LHFPL6: variants seen among roughly 807,000 people sequenced by gnomAD.
LHFPL6 encodes LHFPL tetraspan subfamily member 6.
In LHFPL6, 9 loss-of-function variants were observed where a neutral mutation model predicts 20.6. That is an observed-to-expected ratio of 0.44 (90% CI 0.26 to 0.76). The LOEUF (loss-of-function observed/expected upper bound fraction) is 0.76. Among genes scored for constraint, LHFPL6 ranks in the 30% least tolerant of loss-of-function variants. The probability of loss-of-function intolerance (pLI) is 0.20; values close to 1 mark genes in which losing one functional copy is unlikely to be tolerated. For synonymous variants in LHFPL6, 105 were observed against 98.7 expected (o/e 1.06, Z -0.38); for missense variants, 218 against 253.5 (o/e 0.86, Z 0.95).
intron 2 of LHFPL6, among the ~76,000 whole-genome samples, chr13:39,437,087 C>T (rs1302769727): frequency 1.3e-5 from 2 of 152,128 alleles, no homozygotes. Flanking sequence ...GGTAAGTGCT[C>T]AAAACATGTA....
At chr13:39,424,866 T>TA (rs1377380855) in intron 2 of LHFPL6, among the ~76,000 whole-genome samples, 1 of 152,156 alleles carries the variant, frequency 6.6e-6, no homozygotes, top group East Asian at 1.9e-4. Context: ...GTACTAAAGT[T>TA]ACAGTTTTAT....
At chr13:39,378,342 T>C in intron 3 of LHFPL6, 86 bp downstream of exon 3, 1 of 1,083,366 alleles carries the variant, frequency 9.2e-7, no homozygotes, top group Non-Finnish European at 1.4e-6. Context: ...GTTTTTCTTA[T>C]CTGTCCCCTT....
At chr13:39,513,921 C>T (rs1168147163) in intron 2 of LHFPL6, among the ~76,000 whole-genome samples, 1 of 152,150 alleles carries the variant, frequency 6.6e-6, no homozygotes, top group Non-Finnish European at 1.5e-5. Flanking sequence ...TCCCTTCTAA[C>T]TCTGAGAACC....
At chr13:39,543,610 C>T (rs1171078331) in intron 2 of LHFPL6, among the ~76,000 whole-genome samples, 1 of 146,722 alleles carries the variant, frequency 6.8e-6, no homozygotes, top group Non-Finnish European at 1.5e-5. Context: ...GATCTGGCCC[C>T]CCGCAGACAA....
intron 3 of LHFPL6, among the ~76,000 whole-genome samples, chr13:39,352,876 TA>T (rs1869610789): frequency 1.8e-5 from 1 of 56,144 alleles, no homozygotes; most frequent in Non-Finnish European, 3.6e-5. Flanking sequence ...TATATATATA[TA>T]TAAATGTATA....
chr13:39,347,104 C>G (rs1475087372), intron 3 of LHFPL6, among the ~76,000 whole-genome samples: 1 of 138,332 alleles, frequency 7.2e-6, no homozygotes, highest in African/African-American at 2.7e-5. Context: ...AAAAAAAAAG[C>G]CCCGTTAATG....
chr13:39,493,687 A>C (rs568966539), intron 2 of LHFPL6, among the ~76,000 whole-genome samples: 1 of 152,336 alleles, frequency 6.6e-6, no homozygotes, highest in South Asian at 2.1e-4. Context: ...CTTCTACCCC[A>C]GCCTTCCCAC....
At chr13:39,358,912 C>T (rs1869801167) in intron 3 of LHFPL6, among the ~76,000 whole-genome samples, 2 of 152,174 alleles carry the variant, frequency 1.3e-5, no homozygotes, top group Non-Finnish European at 2.9e-5. Context: ...GTGGCTCCCG[C>T]CTGTAATCCT....
chr13:39,383,363 G>A (rs559313182), intron 2 of LHFPL6, among the ~76,000 whole-genome samples: 1 of 152,332 alleles, frequency 6.6e-6, no homozygotes, highest in Non-Finnish European at 1.5e-5. Context: ...AACCTGGACT[G>A]CCCCATGCAG....
At chr13:39,578,312 A>T (rs1278510504) in intron 2 of LHFPL6, among the ~76,000 whole-genome samples, 1 of 152,224 alleles carries the variant, frequency 6.6e-6, no homozygotes, top group Non-Finnish European at 1.5e-5. Flanking sequence ...GGACTACCTC[A>T]CAGTAACATG....
intron 2 of LHFPL6, among the ~76,000 whole-genome samples, chr13:39,518,977 C>T (rs1283967574): frequency 2.6e-5 from 4 of 152,234 alleles, no homozygotes; most frequent in Non-Finnish European, 5.9e-5. Flanking sequence ...TGGCTCACAC[C>T]TGTAATTCCA....
At chr13:39,509,774 A>G (rs7990907) in intron 2 of LHFPL6, among the ~76,000 whole-genome samples, 38,442 of 151,834 alleles carry the variant, frequency 0.25, 5,580 homozygotes, top group African/African-American at 0.4. Context: ...AGCCTGAGCA[A>G]TATAGCAAGA....
Position 39,343,917 on chromosome 13 carries a change from T to C in LHFPL6, c.*19A>G, listed in dbSNP as rs764463715. The C allele has an allele frequency of 1.2e-6, 2 of 1,602,514 alleles. No individual in the cohort carries two copies. The highest frequency in any genetic ancestry group is 1.7e-6 in the Non-Finnish European group (2 of 1,170,212). On this transcript the variant is annotated 3_prime_UTR_variant, in exon 4 of 4. Coordinates refer to ENST00000379589, the MANE Select transcript of LHFPL6 (RefSeq NM_005780.3). ...CCTTTGGCCCATCTTCTCCTCTGTC[T>C]GCTCTTGGTAGCTCCATCTCAGTAT...
intron 2 of LHFPL6, among the ~76,000 whole-genome samples, chr13:39,515,532 G>T (rs941880802): frequency 6.6e-6 from 1 of 152,146 alleles, no homozygotes; most frequent in Non-Finnish European, 1.5e-5. Context: ...CCTTCCTGGG[G>T]ATTTCTCTTC....
At chr13:39,565,414 C>A (rs192593494) in intron 2 of LHFPL6, among the ~76,000 whole-genome samples, 79 of 152,284 alleles carry the variant, frequency 5.2e-4, no homozygotes, top group African/African-American at 1.8e-3. Flanking sequence ...AAATGAAGCT[C>A]CAACTTCAAT....
chr13:39,345,252 C>T (rs897668431), intron 3 of LHFPL6, among the ~76,000 whole-genome samples: 1 of 152,104 alleles, frequency 6.6e-6, no homozygotes. Flanking sequence ...GTGGCTCATG[C>T]CTGTAATCCC....
At chr13:39,593,444 A>G (rs1456339487) in intron 2 of LHFPL6, among the ~76,000 whole-genome samples, 1 of 152,046 alleles carries the variant, frequency 6.6e-6, no homozygotes, top group African/African-American at 2.4e-5. Flanking sequence ...ACTACAAACC[A>G]CTGCTCAATG....
At chr13:39,441,521 T>A (rs541925648) in intron 2 of LHFPL6, among the ~76,000 whole-genome samples, 1 of 151,980 alleles carries the variant, frequency 6.6e-6, no homozygotes, top group Non-Finnish European at 1.5e-5. Context: ...TTTATTATTA[T>A]TATTATTTTG....
chr13:39,413,064 C>G (rs1593303146), intron 2 of LHFPL6, among the ~76,000 whole-genome samples: 1 of 152,158 alleles, frequency 6.6e-6, no homozygotes, highest in Admixed American at 6.6e-5. Context: ...GATGAACGAG[C>G]CCTAACTCTA....
Sources: gnomAD v4.1 joint callset for allele counts (sites outside exome capture counted in the v4.1 genomes callset) on GRCh38, gnomAD v4.1.1 for gene constraint, MANE v1.5 for transcripts, NCBI Gene and HGNC (gene_info 2026-07-23, HGNC 2026-07-21) for gene names.